MAGI1: variants seen among roughly 807,000 people sequenced by gnomAD.
The protein encoded by MAGI1 is membrane associated guanylate kinase, WW and PDZ domain containing 1, also known as membrane-associated guanylate kinase, WW and PDZ domain-containing protein 1.
In MAGI1, 58 loss-of-function variants were observed where a neutral mutation model predicts 139.9. That is an observed-to-expected ratio of 0.41 (90% CI 0.34 to 0.52). The LOEUF (loss-of-function observed/expected upper bound fraction) is 0.52. Among genes scored for constraint, MAGI1 ranks in the 20% least tolerant of loss-of-function variants. The pLI is 0.12. For synonymous variants in MAGI1, 812 were observed against 737.9 expected (o/e 1.10, Z -1.63); for missense variants, 1,874 against 1,901.6 (o/e 0.99, Z 0.27).
At chr3:65,659,866 C>A (rs1374214497) in intron 1 of MAGI1, among the ~76,000 whole-genome samples, 1 of 152,092 alleles carries the variant, frequency 6.6e-6, no homozygotes. Flanking sequence ...CATTTCTCAA[C>A]CCCCAATCTC....
At chr3:65,456,882 A>G (rs748019502) in intron 5 of MAGI1, among the ~76,000 whole-genome samples, 8 of 152,186 alleles carry the variant, frequency 5.3e-5, no homozygotes, top group South Asian at 2.1e-4. Context: ...CCATTAGGTT[A>G]TGAGTCTATT....
chr3:65,430,479 T>TC (rs1210808498), intron 11 of MAGI1, among the ~76,000 whole-genome samples: 1 of 152,140 alleles, frequency 6.6e-6, no homozygotes, highest in Non-Finnish European at 1.5e-5. Context: ...TCAAACAGTT[T>TC]CCCAAACTTA....
intron 1 of MAGI1, among the ~76,000 whole-genome samples, chr3:65,664,089 A>G (rs190642065): frequency 4.1e-4 from 63 of 152,324 alleles, no homozygotes; most frequent in Non-Finnish European, 3.1e-4. Flanking sequence ...GGCTACATTC[A>G]TACTGCTCCA....
At chr3:65,656,909 A>T (rs1057503549) in intron 1 of MAGI1, among the ~76,000 whole-genome samples, 2 of 148,558 alleles carry the variant, frequency 1.3e-5, no homozygotes, top group African/African-American at 2.5e-5. Context: ...GAGGCAGCAG[A>T]ATTACTTGAA....
chr3:65,440,891 GGTACA>G (rs1948267438), intron 8 of MAGI1, among the ~76,000 whole-genome samples: 1 of 135,382 alleles, frequency 7.4e-6, no homozygotes, highest in African/African-American at 2.9e-5. Context: ...ACATATATAT[GGTACA>G]TATGTGTGTA....
At chr3:65,538,542 G>A (rs1051968728) in intron 2 of MAGI1, among the ~76,000 whole-genome samples, 20 of 152,116 alleles carry the variant, frequency 1.3e-4, no homozygotes, top group Non-Finnish European at 2.9e-4. Flanking sequence ...GGCTGGCATT[G>A]AACTGCAATA....
At chr3:65,769,682 T>C (rs1312340305) in intron 1 of MAGI1, among the ~76,000 whole-genome samples, 3 of 152,142 alleles carry the variant, frequency 2.0e-5, no homozygotes, top group Non-Finnish European at 4.4e-5. Context: ...TTGACTTTGA[T>C]GATAAGATGT....
intron 3 of MAGI1, among the ~76,000 whole-genome samples, chr3:65,487,619 G>A (rs935847208): frequency 6.6e-6 from 1 of 152,072 alleles, no homozygotes; most frequent in Admixed American, 6.5e-5. Flanking sequence ...GCAAATATTG[G>A]GCCTGAAAGA....
chr3:65,893,396 A>G (rs1031434580), intron 1 of MAGI1, among the ~76,000 whole-genome samples: 2 of 152,190 alleles, frequency 1.3e-5, no homozygotes, highest in African/African-American at 4.8e-5. Context: ...GAAAAGCACA[A>G]AACAAAATTT....
In MAGI1 at chr3:65,430,750, T is replaced by G; in HGVS notation, c.1495A>C (p.Lys499Gln). Reference protein sequence around the residue: ...GDEPDEFLQIKSLVLDGPAAL... With the variant: ...GDEPDEFLQIQSLVLDGPAAL... ...GCAGGACCATCTAGGACCAAGCTCT[T>G]GATCTGGAGAAACTCATCAGGTTCA... is the stretch of plus-strand genomic sequence containing the variant. Residue 499 changes from lysine (K) to glutamine (Q), a missense_variant, in exon 11 of 23, where the codon AAG becomes CAG. By Grantham distance (53) the Lys-to-Gln change is moderately conservative (BLOSUM62 1). Coordinates refer to ENST00000402939, the MANE Select transcript of MAGI1 (RefSeq NM_001033057.2). 2 of 1,613,696 alleles carry G rather than the reference T, an allele frequency of 1.2e-6. No individual in the cohort carries two copies. The highest frequency in any genetic ancestry group is 1.7e-6 in the Non-Finnish European group (2 of 1,179,768).
intron 1 of MAGI1, chr3:65,894,030 T>G (rs992268427): frequency 2.0e-5 from 3 of 152,202 alleles, no homozygotes; most frequent in Admixed American, 6.5e-5. Flanking sequence ...AAGAACCAGG[T>G]AGAAGCTATA....
intron 5 of MAGI1, among the ~76,000 whole-genome samples, chr3:65,462,889 G>A (rs1387531679): frequency 6.6e-6 from 1 of 152,104 alleles, no homozygotes; most frequent in Non-Finnish European, 1.5e-5. Flanking sequence ...CATTGTGAAT[G>A]GGAGTTCACT....
chr3:66,021,826 G>A (rs777174697), intron 1 of MAGI1, among the ~76,000 whole-genome samples: 3 of 152,056 alleles, frequency 2.0e-5, no homozygotes, highest in African/African-American at 4.8e-5. Flanking sequence ...ATAAAGCCAC[G>A]CCCCGGTGAC....
chr3:65,780,664 T>C (rs2038856911), intron 1 of MAGI1, among the ~76,000 whole-genome samples: 1 of 152,216 alleles, frequency 6.6e-6, no homozygotes, highest in Admixed American at 6.5e-5. Flanking sequence ...ATCATTACTT[T>C]GATCCAACAG....
rs17074164 is a variant in MAGI1 at position 65,937,325 on chromosome 3, G to A, written c.313+100671C>T. On this transcript the variant is annotated intron_variant, in intron 1 of 22. Transcript: ENST00000402939. ...ACTTCTCCCTTGCCCTTTTGCCTCA[G>A]ATTTCCAACGCTTGCTAGCTTTGTC... Among the ~76,000 whole-genome samples, 5,031 of 152,226 alleles carry A rather than the reference G, an allele frequency of 0.033. 548 individuals are homozygous for A. In the East Asian group the frequency reaches 0.36, roughly 11 times the overall value.
chr3:65,622,048 C>G lies in MAGI1; in HGVS notation c.354G>C (p.Gln118His). ...LNKDLRHFLN[Q>H]RFQKGSPDHE... is the part of the protein sequence containing the mutation. ...GATCAGGAGACCCCTTCTGGAATCG[C>G]TGATTGAGAAAATGTCGCAGGTCCT... Residue 118 changes from glutamine to histidine, a missense_variant, in exon 2 of 23, where the codon CAG becomes CAC. Around this residue, in one of 5 missense-constraint regions of MAGI1, gnomAD observed 648 missense variants for 598.1 expected, o/e 1.08. Transcript: ENST00000402939. 6.2e-7 allele frequency: 1 copy of G among 1,614,064 alleles called. No individual in the cohort carries two copies. Among genetic ancestry groups the G allele is most frequent in the Non-Finnish European group, 8.5e-7 (1 of 1,179,994 alleles).
intron 12 of MAGI1, among the ~76,000 whole-genome samples, chr3:65,425,932 A>G (rs1332325814): frequency 6.6e-6 from 1 of 152,174 alleles, no homozygotes; most frequent in African/African-American, 2.4e-5. Context: ...AACTAGTTTG[A>G]TTTTCCAAAC....
At chr3:65,713,757 C>G (rs1035550196) in intron 1 of MAGI1, among the ~76,000 whole-genome samples, 2 of 152,114 alleles carry the variant, frequency 1.3e-5, no homozygotes, top group African/African-American at 4.8e-5. Flanking sequence ...GTAGTTTTGT[C>G]AAACACTGAG....
chr3:65,870,397 C>T (rs1280125253), intron 1 of MAGI1, among the ~76,000 whole-genome samples: 11 of 151,890 alleles, frequency 7.2e-5, no homozygotes, highest in Admixed American at 7.2e-4. Context: ...CCCCATGCAC[C>T]CTGATCTCTT....
Sources: gnomAD v4.1 joint callset for allele counts (sites outside exome capture counted in the v4.1 genomes callset) on GRCh38, gnomAD v4.1.1 for gene constraint, gnomAD v4.1.1 regional missense constraint, MANE v1.5 for transcripts, NCBI Gene and HGNC (gene_info 2026-07-23, HGNC 2026-07-21) for gene names.